POPDC1: variants seen among roughly 807,000 people sequenced by gnomAD.
POPDC1 encodes the protein popeye domain-containing protein 1.
At chr6:105,122,561 T>C in the POPDC1 span, among the ~76,000 whole-genome samples, 1 of 152,186 alleles carries the variant, frequency 6.6e-6, no homozygotes, top group Non-Finnish European at 1.5e-5. Flanking sequence ...GCAGGTTCAA[T>C]TCCCACCCCA....
chr6:105,120,733 C>T, the POPDC1 span, among the ~76,000 whole-genome samples: 4 of 152,266 alleles, frequency 2.6e-5, no homozygotes, highest in South Asian at 8.3e-4. Context: ...TGGGCTCCAC[C>T]GTAGGAAACA....
chr6:105,121,021 A>G, the POPDC1 span, among the ~76,000 whole-genome samples: 1 of 152,174 alleles, frequency 6.6e-6, no homozygotes, highest in Admixed American at 6.5e-5. Flanking sequence ...GTTTTCTTTC[A>G]ATACCATTAA....
chr6:105,098,990 G>A, the POPDC1 span: 1 of 152,462 alleles, frequency 6.6e-6, no homozygotes. Flanking sequence ...TCAGCCTTCT[G>A]AGTAGCTGGG....
the POPDC1 span, among the ~76,000 whole-genome samples, chr6:105,116,009 A>G: frequency 0.011 from 1,727 of 152,264 alleles, 34 homozygotes; most frequent in African/African-American, 0.04. Context: ...CTATAAATAT[A>G]TTATACAAAA....
the POPDC1 span, among the ~76,000 whole-genome samples, chr6:105,133,156 AAAGT>A: frequency 1.3e-5 from 2 of 152,220 alleles, no homozygotes; most frequent in African/African-American, 2.4e-5. Flanking sequence ...ACATATAAAC[AAAGT>A]AAGTAAGGGA....
At chr6:105,111,679 T>C in the POPDC1 span, among the ~76,000 whole-genome samples, 7 of 152,264 alleles carry the variant, frequency 4.6e-5, no homozygotes, top group African/African-American at 1.7e-4. Flanking sequence ...CAATTTGGAG[T>C]GGGAATACAG....
the POPDC1 span, chr6:105,115,808 T>C: frequency 8.9e-5 from 143 of 1,613,660 alleles, no homozygotes; most frequent in Non-Finnish European, 8.1e-5. Context: ...GCTGAGCTGA[T>C]GTTCCAGCTT....
the POPDC1 span, among the ~76,000 whole-genome samples, chr6:105,116,539 A>C: frequency 6.6e-6 from 1 of 152,220 alleles, no homozygotes. Context: ...AGTAACAGCA[A>C]ATCTAATCAT....
the POPDC1 span, among the ~76,000 whole-genome samples, chr6:105,112,725 C>T: frequency 2.0e-5 from 3 of 152,106 alleles, no homozygotes; most frequent in African/African-American, 7.2e-5. Flanking sequence ...TGGCTTGGGG[C>T]AAGTCACTAC....
the POPDC1 span, chr6:105,117,014 C>T: frequency 3.7e-6 from 3 of 815,408 alleles, no homozygotes; most frequent in Non-Finnish European, 5.6e-6. Context: ...ACTCAATGCA[C>T]ACAAGCTTCT....
At chr6:105,133,440 A>G in the POPDC1 span, 4 of 1,613,926 alleles carry the variant, frequency 2.5e-6, no homozygotes, top group Admixed American at 5.0e-5. Context: ...TATTTGCTAC[A>G]TGAAAAACCA....
chr6:105,116,700 C>G, the POPDC1 span: 1 of 1,571,548 alleles, frequency 6.4e-7, no homozygotes, highest in South Asian at 1.2e-5. Flanking sequence ...AGAACACTTA[C>G]TTTATCATTT....
At chr6:105,112,079 G>C in the POPDC1 span, among the ~76,000 whole-genome samples, 1 of 152,112 alleles carries the variant, frequency 6.6e-6, no homozygotes, top group East Asian at 1.9e-4. Flanking sequence ...AGCCACACTG[G>C]TATCACCTGG....
the POPDC1 span, among the ~76,000 whole-genome samples, chr6:105,117,733 G>A: frequency 6.6e-6 from 1 of 152,184 alleles, no homozygotes; most frequent in Admixed American, 6.5e-5. Context: ...TGACACATCT[G>A]CCTGTTCCAA....
At chr6:105,131,848 T>TC in the POPDC1 span, among the ~76,000 whole-genome samples, 1 of 151,582 alleles carries the variant, frequency 6.6e-6, no homozygotes, top group African/African-American at 2.4e-5. Context: ...TATTTTTTTT[T>TC]CCATTCAACT....
the POPDC1 span, chr6:105,129,568 T>C: frequency 4.0e-5 from 60 of 1,503,662 alleles, no homozygotes; most frequent in South Asian, 7.2e-4. Flanking sequence ...GCTTAATAAA[T>C]TTGATATCCT....
the POPDC1 span, among the ~76,000 whole-genome samples, chr6:105,128,035 C>T: frequency 1.3e-5 from 2 of 152,286 alleles, no homozygotes; most frequent in Non-Finnish European, 2.9e-5. Context: ...GTTGGGATTA[C>T]AGGCGTGAGC....
the POPDC1 span, among the ~76,000 whole-genome samples, chr6:105,128,390 A>G: frequency 6.6e-6 from 1 of 152,212 alleles, no homozygotes; most frequent in East Asian, 1.9e-4. Context: ...ATGAGAATGC[A>G]TGGTCCAAAT....
At chr6:105,131,859 C>G in the POPDC1 span, among the ~76,000 whole-genome samples, 1 of 151,230 alleles carries the variant, frequency 6.6e-6, no homozygotes, top group Non-Finnish European at 1.5e-5. Flanking sequence ...CCATTCAACT[C>G]CCTGTTCCTA....
Sources: allele counts gnomAD v4.1 joint callset (sites outside exome capture counted in the v4.1 genomes callset), GRCh38; gene constraint gnomAD v4.1.1; transcripts MANE v1.5; gene names NCBI Gene and HGNC (gene_info 2026-07-23, HGNC 2026-07-21).